PDSS2: variants seen among roughly 807,000 people sequenced by gnomAD.
PDSS2 encodes the protein decaprenyl diphosphate synthase subunit 2.
PDSS2 carries 31 observed loss-of-function variants against 44.5 expected under a neutral mutation model. That is an observed-to-expected ratio of 0.70 (90% CI 0.52 to 0.94). The LOEUF (loss-of-function observed/expected upper bound fraction) is 0.94. Ranked by LOEUF, PDSS2 falls within the 40% of genes least tolerant of loss-of-function variation. PDSS2 has a pLI of 0.00. For missense variants in PDSS2, 452 were observed against 482.2 expected, an observed-to-expected ratio of 0.94 and a Z score of 0.59; for synonymous variants, 157 against 180.3, an observed-to-expected ratio of 0.87 and a Z score of 1.03.
At chr6:107,199,542 C>T (rs1772696733) in intron 6 of PDSS2, among the ~76,000 whole-genome samples, 1 of 152,192 alleles carries the variant, frequency 6.6e-6, no homozygotes, top group South Asian at 2.1e-4. Flanking sequence ...GCAACTGATC[C>T]TCCTGCCTTG....
At chr6:107,237,667 G>A (rs879438588) in intron 4 of PDSS2, among the ~76,000 whole-genome samples, 45 of 150,250 alleles carry the variant, frequency 3.0e-4, no homozygotes, top group Non-Finnish European at 5.5e-4. Flanking sequence ...TTGGGAGGTC[G>A]AGGCGGGCAG....
At chr6:107,271,809 C>T (rs796268462) in intron 3 of PDSS2, among the ~76,000 whole-genome samples, 1 of 152,216 alleles carries the variant, frequency 6.6e-6, no homozygotes, top group African/African-American at 2.4e-5. Flanking sequence ...AATCCCAGCA[C>T]TTTGGGAGGC....
At chr6:107,442,190 GCAGGTCACCTGAGAT>G (rs1237464335) in intron 1 of PDSS2, among the ~76,000 whole-genome samples, 1 of 152,202 alleles carries the variant, frequency 6.6e-6, no homozygotes, top group Non-Finnish European at 1.5e-5. Context: ...GCCAAAGCAG[GCAGGTCACCTGAGAT>G]CAGGAGTTCA....
intron 1 of PDSS2, among the ~76,000 whole-genome samples, chr6:107,373,817 T>C (rs968515139): frequency 2.6e-5 from 4 of 152,216 alleles, no homozygotes; most frequent in African/African-American, 4.8e-5. Flanking sequence ...GGATTATAGA[T>C]GAAGTACAAC....
intron 1 of PDSS2, among the ~76,000 whole-genome samples, chr6:107,370,772 G>T (rs928576165): frequency 4.6e-5 from 7 of 152,190 alleles, no homozygotes; most frequent in African/African-American, 1.7e-4. Context: ...CAGAAAGTAA[G>T]ATAGTTCTTG....
chr6:107,438,869 T>G (rs1241806910), intron 1 of PDSS2, among the ~76,000 whole-genome samples: 2 of 152,198 alleles, frequency 1.3e-5, no homozygotes, highest in African/African-American at 4.8e-5. Context: ...ATTCAACCTC[T>G]TCTCACAACA....
At chr6:107,436,893 T>C (rs932802957) in intron 1 of PDSS2, among the ~76,000 whole-genome samples, 1 of 152,184 alleles carries the variant, frequency 6.6e-6, no homozygotes, top group African/African-American at 2.4e-5. Context: ...GAAAACAAAA[T>C]TTATTCAAAT....
intron 2 of PDSS2, among the ~76,000 whole-genome samples, chr6:107,333,436 C>T (rs974609690): frequency 2.0e-5 from 3 of 152,052 alleles, no homozygotes; most frequent in African/African-American, 7.2e-5. Flanking sequence ...AATCTAAATA[C>T]ATGAGATGTA....
chr6:107,427,408 T>C (rs1055021258), intron 1 of PDSS2, among the ~76,000 whole-genome samples: 2 of 152,178 alleles, frequency 1.3e-5, no homozygotes, highest in Middle Eastern at 3.2e-3. Context: ...ATCAGCAGCA[T>C]GAAAATTGAC....
intron 1 of PDSS2, among the ~76,000 whole-genome samples, chr6:107,342,827 A>G (rs1467875558): frequency 6.6e-6 from 1 of 152,224 alleles, no homozygotes; most frequent in Non-Finnish European, 1.5e-5. Context: ...TATTAAGGAA[A>G]CAACTTCACC....
intron 6 of PDSS2, among the ~76,000 whole-genome samples, chr6:107,194,455 G>A (rs1229859928): frequency 6.6e-6 from 1 of 152,174 alleles, no homozygotes; most frequent in African/African-American, 2.4e-5. Flanking sequence ...GACAAGGATA[G>A]CTGTTTTATA....
rs1243841336 is a variant in PDSS2, at chr6:107,154,018, T to A, written c.*601A>T. ...TGAACCCAGGAGGCGGAGGTTGCAG[T>A]GAGTCAAAACTGCACCATTGCACTC... is the stretch of plus-strand genomic sequence containing the variant. On this transcript the variant is annotated 3_prime_UTR_variant, in exon 8 of 8. Coordinates refer to ENST00000369037, the MANE Select transcript of PDSS2 (RefSeq NM_020381.4). 1 of 152,800 alleles carries A rather than the reference T, an allele frequency of 6.5e-6. No individual in the cohort carries two copies. Among genetic ancestry groups the A allele is most frequent in the African/African-American group, 2.4e-5 (1 of 41,388 alleles). The allele number at this position is 152,800 out of a possible 1,614,324, so 9.5% of individuals were successfully genotyped here. A position where few individuals can be genotyped will look rare whatever the true frequency, so the allele number is the denominator to read the frequency against.
intron 1 of PDSS2, among the ~76,000 whole-genome samples, chr6:107,377,653 T>C (rs999769484): frequency 1.3e-5 from 2 of 152,074 alleles, no homozygotes; most frequent in African/African-American, 4.8e-5. Context: ...CCAACAACGA[T>C]AGACTGGATT....
At chr6:107,361,409 A>G (rs905317492) in intron 1 of PDSS2, among the ~76,000 whole-genome samples, 8 of 152,240 alleles carry the variant, frequency 5.3e-5, no homozygotes, top group Non-Finnish European at 8.8e-5. Context: ...CACAAACTAC[A>G]GAGGAAGAGA....
At chr6:107,297,632 G>C (rs373958507) in intron 2 of PDSS2, among the ~76,000 whole-genome samples, 1 of 148,442 alleles carries the variant, frequency 6.7e-6, no homozygotes, top group South Asian at 2.2e-4. Flanking sequence ...CACCCGCCTC[G>C]GCCTCCCAAA....
intron 1 of PDSS2, among the ~76,000 whole-genome samples, chr6:107,450,839 C>T (rs1781842214): frequency 2.0e-5 from 3 of 152,096 alleles, no homozygotes; most frequent in African/African-American, 7.2e-5. Context: ...GATCAATCAA[C>T]TGATTGATTG....
intron 7 of PDSS2, among the ~76,000 whole-genome samples, chr6:107,186,285 A>G (rs1170053022): frequency 6.6e-6 from 1 of 152,184 alleles, no homozygotes; most frequent in Non-Finnish European, 1.5e-5. Flanking sequence ...AAGTAATTCA[A>G]TTTCTAGCTG....
At chr6:107,391,481 A>C (rs1191172629) in intron 1 of PDSS2, among the ~76,000 whole-genome samples, 1 of 126,194 alleles carries the variant, frequency 7.9e-6, no homozygotes, top group Non-Finnish European at 2.0e-5. Flanking sequence ...TTCTATTCCA[A>C]GCAGGGGATG....
At chr6:107,339,174 A>G (rs1361001849) in intron 1 of PDSS2, among the ~76,000 whole-genome samples, 1 of 152,246 alleles carries the variant, frequency 6.6e-6, no homozygotes, top group Non-Finnish European at 1.5e-5. Flanking sequence ...CTGACATAAC[A>G]CATTAGACAG....
Sources: allele counts gnomAD v4.1 joint callset (sites outside exome capture counted in the v4.1 genomes callset), GRCh38; gene constraint gnomAD v4.1.1; transcripts MANE v1.5; gene names NCBI Gene and HGNC (gene_info 2026-07-23, HGNC 2026-07-21).